Variants in NCR2 observed in about 807,000 individuals in gnomAD.
NCR2 encodes the protein natural cytotoxicity triggering receptor 2, also known as NK cell activating receptor (NKp44).
NCR2 carries 35 observed loss-of-function variants against 30.7 expected under a neutral mutation model. The ratio of observed to expected loss-of-function variants is 1.14; its 90% CI spans 0.87 to 1.51. The LOEUF is 1.51. Ranked by LOEUF, NCR2 falls within the 40% of genes most tolerant of loss-of-function variation. The pLI is 0.00. For missense variants in NCR2, 316 were observed against 328.9 expected, an observed-to-expected ratio of 0.96 and a Z score of 0.30; for synonymous variants, 146 against 134.8, an observed-to-expected ratio of 1.08 and a Z score of -0.58.
rs568781689 is a variant in NCR2, at chr6:41,339,360, A to G, written c.395-2434A>G. The stretch of plus-strand genomic sequence containing the variant: ...TACAGGCTTGAGCCACCATGCCCAG[A>G]CTATGCCACTTGTTTTTGTTGTTGT... On this transcript the variant is annotated intron_variant, in intron 2 of 4. Coordinates refer to ENST00000373089, the MANE Select transcript of NCR2 (RefSeq NM_004828.4). Among the ~76,000 whole-genome samples the G allele has an allele frequency of 2.1e-5, 3 of 141,570 alleles. No individual in the cohort carries two copies. In the East Asian group the frequency reaches 6.5e-4, roughly 31 times the overall value. 92.9% of individuals were successfully genotyped at this position (141,570 alleles called of 152,430 possible).
chr6:41,336,255 C>T lies in NCR2; in HGVS notation c.221C>T (p.Thr74Met), dbSNP rs61733061. ...TTAGTCACCAGCTCCAAGCCCAGGA[C>T]GATGGCTTGGACCTCTCGATTCACA... ...IRLVTSSKPR[T>M]MAWTSRFTIW... Residue 74 changes from threonine to methionine, a missense_variant, in exon 2 of 5, where the codon ACG becomes ATG. Coordinates refer to ENST00000373089, the MANE Select transcript of NCR2 (RefSeq NM_004828.4). The T allele has an allele frequency of 3.9e-4, 628 of 1,614,184 alleles. No homozygotes were observed. Among genetic ancestry groups the T allele is most frequent in the Middle Eastern group, 1.5e-3 (9 of 6,062 alleles).
rs1324212373 is a variant in NCR2, at chr6:41,342,079, G to A, written c.574G>A (p.Ala192Thr). Residue 192 changes from alanine (A) to threonine (T), a missense_variant, in exon 4 of 5, where the codon GCC becomes ACC. Coordinates refer to ENST00000373089, the MANE Select transcript of NCR2 (RefSeq NM_004828.4). Reference sequence around the variant, plus strand: ...CCGCCCTGGCCCTGCAGCCCCCATTGCCCTGGTGCCTGTGTTCTGTGGACT... The same window carrying A: ...CCGCCCTGGCCCTGCAGCCCCCATTACCCTGGTGCCTGTGTTCTGTGGACT... ...TLRPGPAAPI[A>T]LVPVFCGLLV... The A allele has an allele frequency of 1.9e-6, 3 of 1,613,700 alleles. No individual in the cohort carries two copies. Among genetic ancestry groups the A allele is most frequent in the Non-Finnish European group, 2.5e-6 (3 of 1,180,014 alleles).
chr6:41,341,276 T>C lies in NCR2; in HGVS notation c.395-518T>C, dbSNP rs1769161059. ...AACAGCAGGAGTGGTGCGCAGCCGG[T>C]TCACAGAGTCCCAGAGTCAAGAGGG... On this transcript the variant is annotated intron_variant, in intron 2 of 4. Transcript: ENST00000373089. Among the ~76,000 whole-genome samples, 4 of 152,108 alleles carry C rather than the reference T, an allele frequency of 2.6e-5. No homozygotes were observed. In the South Asian group the frequency reaches 8.3e-4, roughly 32 times the overall value.
Position 41,336,205 on chromosome 6 carries a change from G to A in NCR2, c.171G>A (p.Glu57=), listed in dbSNP as rs760773000. 2.5e-6 allele frequency: 4 copies of A among 1,614,100 alleles called. No individual in the cohort carries two copies. In the African/African-American group the frequency reaches 5.3e-5, roughly 22 times the overall value. The part of the protein sequence containing the change: ...SLYEKKGWCK[E]ASALVCIRLV... ...ACGAGAAGAAAGGCTGGTGTAAGGAGGCTTCAGCACTTGTGTGCATCAGGT... is the reference window on the plus strand; with the variant it reads ...ACGAGAAGAAAGGCTGGTGTAAGGAAGCTTCAGCACTTGTGTGCATCAGGT... The change falls in exon 2 of 5, where the codon GAG becomes GAA. Residue 57 remains glutamate, a synonymous_variant. Transcript: ENST00000373089.
At position 41,342,961 on chromosome 6, in the gene NCR2, C is replaced by G. The variant is rs960918296; in HGVS notation, c.644+812C>G. 2.8e-5 allele frequency: 44 copies of G among 1,550,492 alleles called. No homozygotes were observed. The African/African-American group carries it at 4.7e-4, about 16-fold the overall frequency. On this transcript the variant is annotated intron_variant, in intron 4 of 4. Coordinates refer to ENST00000373089, the MANE Select transcript of NCR2 (RefSeq NM_004828.4). ...CATGCAGCATCAAGGGAGGTCTCTG[C>G]TGCACCCAGCTCAGCCCAGGCCCCA...
intron 4 of NCR2, chr6:41,343,082 C>A: frequency 7.1e-7 from 1 of 1,398,914 alleles, no homozygotes; most frequent in South Asian, 1.3e-5. Context: ...TGACTTCTGA[C>A]CTCTGCTGTT....
chr6:41,346,670 C>T (rs939701109), intron 4 of NCR2, among the ~76,000 whole-genome samples: 2 of 152,140 alleles, frequency 1.3e-5, no homozygotes, highest in Non-Finnish European at 2.9e-5. Flanking sequence ...TCTATCATCC[C>T]GAAATGTCTC....
At position 41,339,063 on chromosome 6, in the gene NCR2, TTTTTG is replaced by T. The variant is rs570393064; in HGVS notation, c.394+2645_394+2649del. On this transcript the variant is annotated intron_variant, in intron 2 of 4. Transcript: ENST00000373089. ...GTTTTATATGTATATGCCACTTGTTTTTTTGTTTTGTTTTATTTCGTTTTGAGGCG... is the reference window on the plus strand; with the variant it reads ...GTTTTATATGTATATGCCACTTGTTTTTTTGTTTTATTTCGTTTTGAGGCG... Among the ~76,000 whole-genome samples the T allele has an allele frequency of 3.8e-4, 58 of 152,350 alleles. No individual in the cohort carries two copies. The South Asian group carries it at 9.9e-3, about 26-fold the overall frequency.
rs1332962844 is a variant in NCR2, at chr6:41,350,808, T to C, written c.775T>C (p.Tyr259His). The part of the protein sequence containing the change: ...VSSPVEREIL[Y>H]HTVARTKISD... Reference sequence around the variant, plus strand: ...CTCACCTGTAGAGAGAGAAATATTATATCACACTGTTGCAAGGACTAAGAT... The same window carrying C: ...CTCACCTGTAGAGAGAGAAATATTACATCACACTGTTGCAAGGACTAAGAT... Residue 259 changes from tyrosine to histidine, a missense_variant, in exon 5 of 5, where the codon TAT (tyrosine) becomes CAT (histidine). By Grantham distance (83) the Tyr-to-His change is moderately conservative (BLOSUM62 2). Coordinates refer to ENST00000373089, the MANE Select transcript of NCR2 (RefSeq NM_004828.4). 2.5e-6 allele frequency: 3 copies of C among 1,186,042 alleles called. No individual in the cohort carries two copies. The highest frequency in any genetic ancestry group is 1.7e-5 in the Admixed American group (1 of 59,430). The allele number at this position is 1,186,042 out of a possible 1,614,324, so 73.5% of individuals were successfully genotyped here.
At position 41,341,893 on chromosome 6, in the gene NCR2, C is replaced by T. The variant is rs764424732; in HGVS notation, c.494C>T (p.Ala165Val). The T allele has an allele frequency of 2.5e-6, 4 of 1,614,084 alleles. No homozygotes were observed. Among genetic ancestry groups the T allele is most frequent in the Non-Finnish European group, 2.5e-6 (3 of 1,180,004 alleles). ...CVPPTAGARQ[A>V]PESPSTIPVP... ...CCTCCCACTGCAGGAGCCAGACAAG[C>T]CCCTGAGTCTCCATCTACCATCCCT... is the stretch of plus-strand genomic sequence containing the variant. Residue 165 changes from alanine to valine, a missense_variant, in exon 3 of 5, where the codon GCC becomes GTC. Ala to Val is a moderately conservative substitution (Grantham distance 64, BLOSUM62 0). Transcript: ENST00000373089.
Position 41,336,343 on chromosome 6 carries a change from C to CT in NCR2, c.310dup (p.Ser104PhefsTer7). 3 of 1,614,086 alleles carry CT rather than the reference C, an allele frequency of 1.9e-6. No individual in the cohort carries two copies. The highest frequency in any genetic ancestry group is 2.5e-6 in the Non-Finnish European group (3 of 1,180,036). ...CCATGACTGATCTGAGAGAGGAAGACTCAGGACATTACTGGTGTAGAATCT... is the reference window on the plus strand; with the variant it reads ...CCATGACTGATCTGAGAGAGGAAGACTTCAGGACATTACTGGTGTAGAATCT... On this transcript the variant is annotated frameshift_variant, in exon 2 of 5. Coordinates refer to ENST00000373089, the MANE Select transcript of NCR2 (RefSeq NM_004828.4). LOFTEE classifies it high-confidence loss of function.
At chr6:41,340,708 TACAG>T (rs1276876072) in intron 2 of NCR2, among the ~76,000 whole-genome samples, 1 of 152,166 alleles carries the variant, frequency 6.6e-6, no homozygotes, top group Non-Finnish European at 1.5e-5. Flanking sequence ...GTGGAAGGGT[TACAG>T]ACAATTTGTA....
Position 41,350,685 on chromosome 6 carries a change from A to G in NCR2, c.652A>G (p.Ile218Val). Residue 218 changes from isoleucine (I) to valine (V), a missense_variant, in exon 5 of 5, where the codon ATA becomes GTA. Ile to Val is a conservative substitution (Grantham distance 29, BLOSUM62 3). Transcript: ENST00000373089. ...TTCCTGCTCTGATTGCAGGGGGGAC[A>G]TATGGTGGAAAACCATGATGGAGCT... ...LSALLVWWGD[I>V]WWKTMMELRS... 1 of 1,612,988 alleles carries G rather than the reference A, an allele frequency of 6.2e-7. No individual in the cohort carries two copies.
rs371489341 is a variant in NCR2 at position 41,350,682 on chromosome 6, G to T, written c.649G>T (p.Asp217Tyr). 11 of 1,612,806 alleles carry T rather than the reference G, an allele frequency of 6.8e-6. No individual in the cohort carries two copies. Among genetic ancestry groups the T allele is most frequent in the African/African-American group, 2.7e-5 (2 of 74,816 alleles). Residue 217 changes from aspartate (D) to tyrosine (Y), a missense_variant, in exon 5 of 5, where the codon GAC (aspartate) becomes TAC (tyrosine). By Grantham distance (160) the Asp-to-Tyr change is radical. Coordinates refer to ENST00000373089, the MANE Select transcript of NCR2 (RefSeq NM_004828.4). ...GGTTTCCTGCTCTGATTGCAGGGGG[G>T]ACATATGGTGGAAAACCATGATGGA... Reference protein sequence around the residue: ...VLSALLVWWGDIWWKTMMELR... With the variant: ...VLSALLVWWGYIWWKTMMELR...
At chr6:41,344,487 A>T (rs1054030107) in intron 4 of NCR2, among the ~76,000 whole-genome samples, 3 of 152,094 alleles carry the variant, frequency 2.0e-5, no homozygotes, top group African/African-American at 4.8e-5. Context: ...CCTGTTTGTC[A>T]TCTATTTTTC....
intron 2 of NCR2, among the ~76,000 whole-genome samples, chr6:41,339,038 G>A (rs1438446873): frequency 1.3e-5 from 2 of 152,066 alleles, no homozygotes; most frequent in Non-Finnish European, 2.9e-5. Flanking sequence ...GTGTTTTTCC[G>A]TTTTATATGT....
chr6:41,348,818 C>T (rs1293436489), intron 4 of NCR2, among the ~76,000 whole-genome samples: 3 of 152,088 alleles, frequency 2.0e-5, no homozygotes, highest in African/African-American at 7.2e-5. Flanking sequence ...CTTATTGTGA[C>T]TCACTCCATT....
intron 2 of NCR2, among the ~76,000 whole-genome samples, chr6:41,337,019 G>A (rs769461112): frequency 2.0e-5 from 3 of 152,110 alleles, no homozygotes; most frequent in Non-Finnish European, 2.9e-5. Flanking sequence ...TTTTCATGCT[G>A]TGACAGCAAA....
intron 3 of NCR2, 28 bp downstream of exon 3, chr6:41,341,957 C>A: frequency 1.2e-6 from 2 of 1,610,868 alleles, no homozygotes; most frequent in East Asian, 2.2e-5. Context: ...CGTAGCCACA[C>A]AGGCCTGGGC....
Sources: gnomAD v4.1 joint callset for allele counts (sites outside exome capture counted in the v4.1 genomes callset) on GRCh38, gnomAD v4.1.1 for gene constraint, MANE v1.5 for transcripts, NCBI Gene and HGNC (gene_info 2026-07-23, HGNC 2026-07-21) for gene names.